The following SUPT3H variants were observed in gnomAD, a reference collection of about 807,000 sequenced individuals.
The protein encoded by SUPT3H is SPT3 homolog, SAGA and STAGA complex component.
Under a neutral mutation model 44.3 loss-of-function variants are expected in SUPT3H, and 44 were observed. The observed-to-expected ratio is 0.99, with a 90% confidence interval of 0.78 to 1.28. SUPT3H has a LOEUF of 1.28. SUPT3H is among the 50% of genes most tolerant of loss of function. SUPT3H has a pLI of 0.00. For missense variants in SUPT3H, 380 were observed against 387.1 expected (o/e 0.98, Z 0.15); for synonymous variants, 124 against 125.6 (o/e 0.99, Z 0.09).
chr6:45,331,884 A>G (rs1006247220), intron 2 of SUPT3H, among the ~76,000 whole-genome samples: 2 of 152,032 alleles, frequency 1.3e-5, no homozygotes, highest in Non-Finnish European at 2.9e-5. Context: ...TAAATCAGTC[A>G]TGCTAAAGTT....
rs568909902 is a variant in SUPT3H, at chr6:45,077,845, T to C, written c.186+28077A>G. ...AAAATTTCAAGAAGTTTTAAAAAGGTGTATTTTGGAGGAAAAAAGAAAAGC... is the reference window on the plus strand; with the variant it reads ...AAAATTTCAAGAAGTTTTAAAAAGGCGTATTTTGGAGGAAAAAAGAAAAGC... On this transcript the variant is annotated intron_variant, in intron 3 of 10. Coordinates refer to ENST00000371459, the MANE Select transcript of SUPT3H (RefSeq NM_003599.4). 1.8e-3 allele frequency among the ~76,000 whole-genome samples: 280 copies of C among 152,022 alleles called. 1 individual carries two copies. Among genetic ancestry groups the C allele is most frequent in the African/African-American group, 6.2e-3 (259 of 41,454 alleles).
At chr6:45,094,100 G>A (rs746771693) in intron 3 of SUPT3H, among the ~76,000 whole-genome samples, 1 of 152,068 alleles carries the variant, frequency 6.6e-6, no homozygotes, top group Non-Finnish European at 1.5e-5. Context: ...GAGAGTGGGA[G>A]TTTTATAAAA....
rs1405136723 is a variant in SUPT3H at position 45,243,131 on chromosome 6, T to G, written c.101+122070A>C. ...ATTGCTTGAGACTGGGAGGCAGAGG[T>G]TGCAATGAGTTGAGATAGATCGTGC... On this transcript the variant is annotated intron_variant, in intron 2 of 10. Transcript: ENST00000371459. Among the ~76,000 whole-genome samples the G allele has an allele frequency of 7.6e-5, 10 of 131,890 alleles. No homozygotes were observed. The East Asian group carries it at 2.4e-3, about 32-fold the overall frequency. The allele number at this position is 131,890 out of a possible 152,430, so 86.5% of individuals were successfully genotyped here.
In SUPT3H at chr6:44,828,020, C is replaced by T. The variant is rs75111047; in HGVS notation, c.*1796G>A. Among the ~76,000 whole-genome samples, 3,262 of 151,900 alleles carry T rather than the reference C, an allele frequency of 0.021. 115 individuals are homozygous for T. The highest frequency in any genetic ancestry group is 0.073 in the African/African-American group (3,022 of 41,440). ...TATAAGGAGATCAGGTGGAATAAAACGAAGGAAAAAAACCCAAACCCTATA... is the reference window on the plus strand; with the variant it reads ...TATAAGGAGATCAGGTGGAATAAAATGAAGGAAAAAAACCCAAACCCTATA... On this transcript the variant is annotated 3_prime_UTR_variant, in exon 11 of 11. Coordinates refer to ENST00000371459, the MANE Select transcript of SUPT3H (RefSeq NM_003599.4).
At chr6:45,198,278 T>C (rs1816418502) in intron 2 of SUPT3H, among the ~76,000 whole-genome samples, 2 of 151,424 alleles carry the variant, frequency 1.3e-5, no homozygotes, top group South Asian at 2.1e-4. Flanking sequence ...CTTTTACAAA[T>C]ACTGAGTGTC....
chr6:45,366,119 T>C (rs923616954), intron 1 of SUPT3H, among the ~76,000 whole-genome samples: 10 of 152,166 alleles, frequency 6.6e-5, no homozygotes, highest in Non-Finnish European at 1.3e-4. Flanking sequence ...CAATAAACAT[T>C]AGTTATTATT....
At chr6:45,226,001 C>G (rs886941186) in intron 2 of SUPT3H, among the ~76,000 whole-genome samples, 7 of 152,168 alleles carry the variant, frequency 4.6e-5, no homozygotes, top group African/African-American at 1.7e-4. Flanking sequence ...AACCTAAACA[C>G]TGTCATCTTC....
chr6:44,981,337 C>T (rs530777305), intron 6 of SUPT3H, among the ~76,000 whole-genome samples: 2 of 152,228 alleles, frequency 1.3e-5, no homozygotes, highest in Non-Finnish European at 2.9e-5. Flanking sequence ...CATGAAATTA[C>T]ATTTTTGTCG....
intron 10 of SUPT3H, among the ~76,000 whole-genome samples, chr6:44,878,469 T>C (rs1582156848): frequency 6.6e-6 from 1 of 151,940 alleles, no homozygotes; most frequent in Non-Finnish European, 1.5e-5. Context: ...TTTAAACTAA[T>C]GAGAGTTTTG....
At chr6:44,941,782 T>A (rs1428767838) in intron 9 of SUPT3H, among the ~76,000 whole-genome samples, 1 of 152,152 alleles carries the variant, frequency 6.6e-6, no homozygotes, top group Non-Finnish European at 1.5e-5. Flanking sequence ...GTAATACACG[T>A]AGTGAGTGTA....
chr6:45,272,529 C>T (rs971103095), intron 2 of SUPT3H, among the ~76,000 whole-genome samples: 6 of 152,126 alleles, frequency 3.9e-5, no homozygotes, highest in Admixed American at 1.3e-4. Flanking sequence ...TGTCCAGTCT[C>T]GGATATATCT....
intron 10 of SUPT3H, among the ~76,000 whole-genome samples, chr6:44,907,770 C>T (rs1034950173): frequency 7.6e-4 from 116 of 152,164 alleles, no homozygotes; most frequent in African/African-American, 2.6e-3. Context: ...TCATCTTGTA[C>T]ACAACATGGC....
intron 2 of SUPT3H, among the ~76,000 whole-genome samples, chr6:45,327,141 G>T (rs1053846533): frequency 1.1e-4 from 16 of 151,946 alleles, no homozygotes; most frequent in Admixed American, 8.6e-4. Flanking sequence ...AAAGGAGATA[G>T]TTTCCCAAAG....
chr6:44,918,201 T>G (rs1007386177), intron 10 of SUPT3H, among the ~76,000 whole-genome samples: 1 of 152,214 alleles, frequency 6.6e-6, no homozygotes, highest in Non-Finnish European at 1.5e-5. Context: ...CCTGGTTTTC[T>G]CCAAGAAACA....
rs1176933187 is a variant in SUPT3H, at chr6:45,093,843, T to C, written c.186+12079A>G. Among the ~76,000 whole-genome samples the C allele has an allele frequency of 7.2e-5, 11 of 152,254 alleles. No homozygotes were observed. In the South Asian group the frequency reaches 1.5e-3, roughly 20 times the overall value. On this transcript the variant is annotated intron_variant, in intron 3 of 10. Coordinates refer to ENST00000371459, the MANE Select transcript of SUPT3H (RefSeq NM_003599.4). The stretch of plus-strand genomic sequence containing the variant: ...TTACTAGTTGTTGAGTAGATTCACA[T>C]AGAAAAAAACCTAATATGATTTTCA...
intron 3 of SUPT3H, among the ~76,000 whole-genome samples, chr6:45,047,828 A>C (rs1345782529): frequency 6.6e-6 from 1 of 151,960 alleles, no homozygotes; most frequent in Non-Finnish European, 1.5e-5. Context: ...TTTAATTTGC[A>C]TTTCTCTGAT....
At chr6:45,190,104 C>T (rs567390627) in intron 2 of SUPT3H, among the ~76,000 whole-genome samples, 6 of 152,078 alleles carry the variant, frequency 3.9e-5, no homozygotes, top group African/African-American at 9.6e-5. Context: ...TCAACTGTTG[C>T]GTTAAACTAA....
intron 2 of SUPT3H, among the ~76,000 whole-genome samples, chr6:45,153,216 G>A (rs1431941038): frequency 6.6e-6 from 1 of 152,122 alleles, no homozygotes; most frequent in Admixed American, 6.6e-5. Flanking sequence ...ATAATATCAT[G>A]TATCTGTTTG....
At chr6:45,237,907 C>T (rs1347522503) in intron 2 of SUPT3H, among the ~76,000 whole-genome samples, 2 of 152,166 alleles carry the variant, frequency 1.3e-5, no homozygotes, top group African/African-American at 4.8e-5. Flanking sequence ...TTGCCTTCTC[C>T]TGCTATGATT....
Sources: allele counts gnomAD v4.1 joint callset (sites outside exome capture counted in the v4.1 genomes callset), GRCh38; gene constraint gnomAD v4.1.1; transcripts MANE v1.5; gene names NCBI Gene and HGNC (gene_info 2026-07-23, HGNC 2026-07-21).